Variants in RAB4B observed in about 807,000 individuals in gnomAD.
The protein encoded by RAB4B is RAB4B, member RAS oncogene family, also known as ras-related protein Rab-4B.
A neutral mutation model predicts 28.3 loss-of-function variants in RAB4B; 15 were observed. The observed-to-expected ratio is 0.53, with a 90% CI of 0.35 to 0.82. RAB4B has a LOEUF of 0.82. RAB4B is among the 40% of genes least tolerant of loss of function. The pLI is 0.01. For synonymous variants in RAB4B, 108 were observed against 116.3 expected (o/e 0.93, Z 0.46); for missense variants, 244 against 288.5 (o/e 0.85, Z 1.12).
chr19:40,786,547 G>C, intron 5 of RAB4B, 118 bp from the exon 6 acceptor site: 1 of 1,475,650 alleles, frequency 6.8e-7, no homozygotes, highest in East Asian at 2.5e-5. Context: ...GCAGAGGCCT[G>C]AGGTGAGGGT....
intron 1 of RAB4B, chr19:40,779,303 C>T (rs1212699125): frequency 6.6e-6 from 1 of 152,382 alleles, no homozygotes; most frequent in Non-Finnish European, 1.5e-5. Flanking sequence ...CCTTTCTGGC[C>T]TGTTACCTCA....
intron 7 of RAB4B, among the ~76,000 whole-genome samples, chr19:40,787,215 C>A (rs1351904212): frequency 6.6e-6 from 1 of 151,948 alleles, no homozygotes; most frequent in Non-Finnish European, 1.5e-5. Context: ...GAGACAGACC[C>A]ACTTCCAGAC....
chr19:40,778,458 G>C (rs2083015988), intron 1 of RAB4B, 67 bp downstream of exon 1: 5 of 1,381,496 alleles, frequency 3.6e-6, no homozygotes, highest in Non-Finnish European at 4.7e-6. Flanking sequence ...TGTGGGAATG[G>C]GCGGGGCTTT....
At chr19:40,788,725 T>A (rs1429960155) in intron 7 of RAB4B, among the ~76,000 whole-genome samples, 1 of 150,580 alleles carries the variant, frequency 6.6e-6, no homozygotes, top group Non-Finnish European at 1.5e-5. Context: ...TAGCTGAGAT[T>A]ACAGGCGACT....
At chr19:40,786,406 A>G in intron 5 of RAB4B, 1 of 451,400 alleles carries the variant, frequency 2.2e-6, no homozygotes, top group Non-Finnish European at 4.1e-6. Flanking sequence ...GGGAGCCCTA[A>G]GTCGGTACCT....
intron 5 of RAB4B, among the ~76,000 whole-genome samples, chr19:40,784,964 G>A (rs188461823): frequency 3.6e-4 from 55 of 151,690 alleles, no homozygotes; most frequent in African/African-American, 1.1e-3. Context: ...ACAGGTGTGC[G>A]CCACAACGCC....
rs1456861331 is a variant in RAB4B at position 40,786,844 on chromosome 19, A to G, written c.527-4A>G. ...CCAATGCTGACCTCTCCCCTTCCCC[A>G]CAGGCGAGCTAGACCCGGAGAGGAT... On this transcript the variant is annotated splice_region_variant and splice_polypyrimidine_tract_variant and intron_variant, in intron 6 of 7. Coordinates refer to ENST00000357052, the MANE Select transcript of RAB4B (RefSeq NM_016154.5). 12 of 1,614,090 alleles carry G rather than the reference A, an allele frequency of 7.4e-6. No individual in the cohort carries two copies. Among genetic ancestry groups the G allele is most frequent in the Non-Finnish European group, 1.0e-5 (12 of 1,179,986 alleles).
intron 3 of RAB4B, 60 bp from the exon 4 acceptor site, chr19:40,783,718 G>T: frequency 2.0e-6 from 3 of 1,480,884 alleles, no homozygotes; most frequent in Non-Finnish European, 1.8e-6. Flanking sequence ...CTCTGTAGAG[G>T]GGGGCATTCT....
chr19:40,779,788 C>A, intron 1 of RAB4B: 1 of 1,125,486 alleles, frequency 8.9e-7, no homozygotes, highest in Non-Finnish European at 1.2e-6. Flanking sequence ...CACATGTACT[C>A]CCTGAATCTA....
chr19:40,792,812 G>C (rs139637824), intron 7 of RAB4B, among the ~76,000 whole-genome samples: 1 of 151,570 alleles, frequency 6.6e-6, no homozygotes, highest in African/African-American at 2.4e-5. Context: ...ACAGAGTCTC[G>C]CTCTGTTACC....
Position 40,784,081 on chromosome 19 carries a change from G to T in RAB4B, c.430+6G>T, listed in dbSNP as rs754394218. The T allele has an allele frequency of 6.2e-7, 1 of 1,602,536 alleles. No homozygotes were observed. Among genetic ancestry groups the T allele is most frequent in the South Asian group, 1.1e-5 (1 of 90,372 alleles). On this transcript the variant is annotated splice_donor_region_variant and intron_variant, in intron 5 of 7. Transcript: ENST00000357052. ...CCGCTTTGCCCAGGAGAATGGTGAG[G>T]GCTGTGTCGTGGACCAGGTGGTGGT...
rs577816237 is a variant in RAB4B, at chr19:40,790,354, C to CT, written c.*15+3390dup. 4.1e-3 allele frequency among the ~76,000 whole-genome samples: 577 copies of CT among 141,782 alleles called. 2 individuals carry two copies. Among genetic ancestry groups the CT allele is most frequent in the African/African-American group, 9.0e-3 (348 of 38,854 alleles). 93.0% of individuals were successfully genotyped at this position (141,782 alleles called of 152,430 possible). On this transcript the variant is annotated intron_variant, in intron 7 of 7. Transcript: ENST00000357052. ...TCTGTCTTCCAGTCTTGGCCTCTCT[C>CT]TTTTTTTTTTTTTTGGTTCCTGTCT...
rs765575368 is a variant in RAB4B at position 40,786,674 on chromosome 19, TC to T, written c.442del (p.Leu148TrpfsTer31). The T allele has an allele frequency of 6.2e-7, 1 of 1,614,022 alleles. No homozygotes were observed. The highest frequency in any genetic ancestry group is 2.2e-5 in the East Asian group (1 of 44,862). On this transcript the variant is annotated frameshift_variant, in exon 6 of 8. Coordinates refer to ENST00000357052, the MANE Select transcript of RAB4B (RefSeq NM_016154.5). LOFTEE classifies it high-confidence loss of function. ...GTGTGTGCCCCTGCAGAGCTGATGT[TC>T]CTGGAGACCAGCGCTCTCACAGGCG... The part of the protein sequence containing the change: ...SRFAQENELM[F>X]LETSALTGEN...
At chr19:40,793,878 C>G (rs1327463685) in intron 7 of RAB4B, among the ~76,000 whole-genome samples, 1 of 151,544 alleles carries the variant, frequency 6.6e-6, no homozygotes, top group Non-Finnish European at 1.5e-5. Flanking sequence ...GAGCCGAGAT[C>G]GCACCACTGC....
chr19:40,783,878 T>TTCCTCTC (rs1217453064), intron 4 of RAB4B, 38 bp downstream of exon 4: 2 of 1,581,264 alleles, frequency 1.3e-6, no homozygotes, highest in Admixed American at 1.7e-5. Context: ...GCATGGGTGG[T>TTCCTCTC]TCCTCTCCTG....
At chr19:40,790,537 A>AT (rs1188054249) in intron 7 of RAB4B, among the ~76,000 whole-genome samples, 43 of 147,806 alleles carry the variant, frequency 2.9e-4, no homozygotes, top group African/African-American at 9.9e-4. Context: ...TGCCCGGCTA[A>AT]TTTTTTGTAT....
chr19:40,795,684 C>G (rs1430633271), intron 7 of RAB4B, among the ~76,000 whole-genome samples: 6 of 150,976 alleles, frequency 4.0e-5, no homozygotes, highest in Non-Finnish European at 7.4e-5. Context: ...CGTGAGCCAC[C>G]GTGCCTGGCC....
At chr19:40,783,031 G>A (rs1452775469) in intron 3 of RAB4B, among the ~76,000 whole-genome samples, 1 of 151,202 alleles carries the variant, frequency 6.6e-6, no homozygotes, top group African/African-American at 2.4e-5. Flanking sequence ...CTGGCTACTC[G>A]AGAGGCTGAG....
At chr19:40,796,399 C>T (rs1010115240) in intron 7 of RAB4B, 171 bp from the exon 8 acceptor site, 1 of 152,308 alleles carries the variant, frequency 6.6e-6, no homozygotes, top group African/African-American at 2.4e-5. Flanking sequence ...AGCACAAGCC[C>T]CAAATTACCT....
Sources: allele counts gnomAD v4.1 joint callset (sites outside exome capture counted in the v4.1 genomes callset), GRCh38; gene constraint gnomAD v4.1.1; transcripts MANE v1.5; gene names NCBI Gene and HGNC (gene_info 2026-07-23, HGNC 2026-07-21).